Variants in DOK6 observed in about 807,000 individuals in gnomAD.
DOK6 encodes the protein downstream of tyrosine kinase 6.
A neutral mutation model predicts 44.0 loss-of-function variants in DOK6; 22 were observed. The ratio of observed to expected loss-of-function variants is 0.50; its 90% CI spans 0.36 to 0.71. The LOEUF is 0.71. Ranked by LOEUF, DOK6 falls within the 30% of genes least tolerant of loss-of-function variation. The probability of loss-of-function intolerance (pLI) is 0.00; values close to 1 mark genes in which losing one functional copy is unlikely to be tolerated. For missense variants in DOK6, 340 were observed against 416.4 expected, an observed-to-expected ratio of 0.82 and a Z score of 1.60; for synonymous variants, 166 against 145.5, an observed-to-expected ratio of 1.14 and a Z score of -1.01.
intron 1 of DOK6, among the ~76,000 whole-genome samples, chr18:69,515,966 T>C (rs1260921610): frequency 1.3e-5 from 2 of 152,248 alleles, no homozygotes; most frequent in Non-Finnish European, 2.9e-5. Flanking sequence ...TCCACCGATA[T>C]TCACACTGTT....
At chr18:69,653,870 A>G (rs1985294887) in intron 3 of DOK6, among the ~76,000 whole-genome samples, 1 of 152,190 alleles carries the variant, frequency 6.6e-6, no homozygotes, top group East Asian at 1.9e-4. Flanking sequence ...AATGTTTCAA[A>G]CAAGCATTCA....
At chr18:69,648,307 T>C (rs1985136001) in intron 3 of DOK6, among the ~76,000 whole-genome samples, 1 of 152,214 alleles carries the variant, frequency 6.6e-6, no homozygotes, top group African/African-American at 2.4e-5. Flanking sequence ...AAGGTTACAG[T>C]GTATTTGTGT....
intron 3 of DOK6, among the ~76,000 whole-genome samples, chr18:69,608,986 T>C (rs1316307244): frequency 1.3e-5 from 2 of 152,002 alleles, no homozygotes; most frequent in Non-Finnish European, 2.9e-5. Context: ...CTTTTATTTA[T>C]TTAAGATTTT....
chr18:69,766,613 G>A (rs374624896), intron 7 of DOK6, among the ~76,000 whole-genome samples: 1 of 152,078 alleles, frequency 6.6e-6, no homozygotes, highest in Non-Finnish European at 1.5e-5. Context: ...ATAAAGAGGA[G>A]AATATATATT....
At chr18:69,449,718 C>T (rs28666657) in intron 1 of DOK6, among the ~76,000 whole-genome samples, 3,054 of 151,926 alleles carry the variant, frequency 0.02, 101 homozygotes, top group African/African-American at 0.069. Flanking sequence ...GATCTGAGAA[C>T]GGGCAGACTG....
chr18:69,745,279 A>G (rs75369648), intron 6 of DOK6, among the ~76,000 whole-genome samples: 1 of 152,212 alleles, frequency 6.6e-6, no homozygotes, highest in Non-Finnish European at 1.5e-5. Context: ...TTAAAAAAAT[A>G]CAGTTTTGAT....
At chr18:69,500,181 A>G (rs1452509089) in intron 1 of DOK6, among the ~76,000 whole-genome samples, 1 of 152,008 alleles carries the variant, frequency 6.6e-6, no homozygotes, top group Admixed American at 6.6e-5. Flanking sequence ...TCAGTCTACT[A>G]TTTTCCACCA....
At chr18:69,756,723 C>T (rs776565967) in intron 6 of DOK6, among the ~76,000 whole-genome samples, 3 of 152,136 alleles carry the variant, frequency 2.0e-5, no homozygotes, top group South Asian at 2.1e-4. Flanking sequence ...ATCCAAGCAT[C>T]GAGGACCAGG....
intron 3 of DOK6, among the ~76,000 whole-genome samples, chr18:69,627,221 A>G (rs569965357): frequency 6.6e-6 from 1 of 152,286 alleles, no homozygotes; most frequent in African/African-American, 2.4e-5. Context: ...CAAACAAACA[A>G]AAAAGACTCA....
Position 69,720,244 on chromosome 18 carries a change from C to T in DOK6, c.600-18721C>T, listed in dbSNP as rs140229468. Among the ~76,000 whole-genome samples, 563 of 152,186 alleles carry T rather than the reference C, an allele frequency of 3.7e-3. 6 individuals carry two copies. The highest frequency in any genetic ancestry group is 0.013 in the African/African-American group (545 of 41,524). ...CATGATCTAACCAACACAAGACTTG[C>T]GTTGATGTTTAGGCCAACTTTCAAC... On this transcript the variant is annotated intron_variant, in intron 5 of 7. Coordinates refer to ENST00000382713, the MANE Select transcript of DOK6 (RefSeq NM_152721.6).
At chr18:69,816,910 A>G (rs1307496017) in intron 7 of DOK6, among the ~76,000 whole-genome samples, 1 of 152,190 alleles carries the variant, frequency 6.6e-6, no homozygotes, top group Non-Finnish European at 1.5e-5. Flanking sequence ...AGCAATATCT[A>G]CCAGTAGGAA....
At position 69,404,963 on chromosome 18, in the gene DOK6, G is replaced by A. The variant is rs572378246; in HGVS notation, c.66+3653G>A. On this transcript the variant is annotated intron_variant, in intron 1 of 7. Coordinates refer to ENST00000382713, the MANE Select transcript of DOK6 (RefSeq NM_152721.6). ...AAAGAACCCCTGCATCATTGCTACT[G>A]AGAGTACATCGGGCCAGTCATTGTC... Among the ~76,000 whole-genome samples, 5 of 152,302 alleles carry A rather than the reference G, an allele frequency of 3.3e-5. No homozygotes were observed. In the East Asian group the frequency reaches 9.7e-4, roughly 29 times the overall value.
At chr18:69,729,636 G>A (rs1349523854) in intron 5 of DOK6, among the ~76,000 whole-genome samples, 1 of 152,090 alleles carries the variant, frequency 6.6e-6, no homozygotes, top group African/African-American at 2.4e-5. Context: ...GTGCATGTTG[G>A]TTGAGACTCC....
At chr18:69,757,990 G>A (rs547504618) in intron 7 of DOK6, 117 bp downstream of exon 7, 2 of 852,838 alleles carry the variant, frequency 2.3e-6, no homozygotes, top group African/African-American at 1.7e-5. Flanking sequence ...CCATTTATCA[G>A]CTGTCACTGG....
intron 7 of DOK6, among the ~76,000 whole-genome samples, chr18:69,806,836 T>C (rs899852080): frequency 1.3e-5 from 2 of 151,970 alleles, no homozygotes; most frequent in Non-Finnish European, 2.9e-5. Flanking sequence ...ATTTCTAAAA[T>C]GTAAACACGA....
intron 1 of DOK6, among the ~76,000 whole-genome samples, chr18:69,495,454 G>A (rs971502776): frequency 1.3e-5 from 2 of 152,234 alleles, no homozygotes; most frequent in Admixed American, 6.5e-5. Context: ...ATACCTCAGA[G>A]GAGGCCCTGG....
chr18:69,553,326 C>T (rs1982610158), intron 1 of DOK6, among the ~76,000 whole-genome samples: 1 of 152,172 alleles, frequency 6.6e-6, no homozygotes, highest in African/African-American at 2.4e-5. Context: ...CATTATTTCA[C>T]ACAAGAATAA....
At chr18:69,446,878 T>C (rs1299970929) in intron 1 of DOK6, among the ~76,000 whole-genome samples, 1 of 152,252 alleles carries the variant, frequency 6.6e-6, no homozygotes, top group Non-Finnish European at 1.5e-5. Flanking sequence ...TCTGTTCATA[T>C]CCTTTGCCTA....
chr18:69,486,806 G>T (rs533051287), intron 1 of DOK6, among the ~76,000 whole-genome samples: 1 of 152,208 alleles, frequency 6.6e-6, no homozygotes, highest in African/African-American at 2.4e-5. Context: ...AACTAACAAT[G>T]TTAAGGAAAT....
Sources: allele counts gnomAD v4.1 joint callset (sites outside exome capture counted in the v4.1 genomes callset), GRCh38; gene constraint gnomAD v4.1.1; transcripts MANE v1.5; gene names NCBI Gene and HGNC (gene_info 2026-07-23, HGNC 2026-07-21).